PLXNA1: variants seen among roughly 807,000 people sequenced by gnomAD.
The protein encoded by PLXNA1 is plexin A1.
A neutral mutation model predicts 191.7 loss-of-function variants in PLXNA1; 77 were observed. That is an observed-to-expected ratio of 0.40 (90% CI 0.33 to 0.49). The LOEUF (loss-of-function observed/expected upper bound fraction) is 0.49. Ranked by LOEUF, PLXNA1 falls within the 20% of genes least tolerant of loss-of-function variation. PLXNA1 has a pLI of 0.63. For synonymous variants in PLXNA1, 1,137 were observed against 1,156.4 expected, an observed-to-expected ratio of 0.98 and a Z score of 0.34; for missense variants, 2,110 against 2,660.2, an observed-to-expected ratio of 0.79 and a Z score of 4.55.
intron 9 of PLXNA1, among the ~76,000 whole-genome samples, chr3:127,011,090 G>T (rs1386268601): frequency 6.6e-6 from 1 of 152,244 alleles, no homozygotes; most frequent in African/African-American, 2.4e-5. Context: ...CAGACTGCCA[G>T]GGAGGTACAG....
rs907957777 is a variant in PLXNA1 at position 127,022,337 on chromosome 3, C to T, written c.4291C>T (p.Arg1431Cys). ...CAAGAACCACCCCAAGCTGCTACTG[C>T]GCCGGTGAGCCTGGGGGGCACTGGG... ...ESKNHPKLLL[R>C]RTESVAEKML... The change falls in exon 22 of 32, where the codon CGC becomes TGC. Residue 1431 changes from arginine to cysteine, a missense_variant. Physicochemically the swap from Arg to Cys is radical, Grantham distance 180. Transcript: ENST00000393409. 4.4e-6 allele frequency: 7 copies of T among 1,608,828 alleles called. No individual in the cohort carries two copies. The highest frequency in any genetic ancestry group is 4.3e-6 in the Non-Finnish European group (5 of 1,176,410).
intron 25 of PLXNA1, chr3:127,028,658 G>A: frequency 1.9e-6 from 1 of 526,006 alleles, no homozygotes; most frequent in Non-Finnish European, 3.4e-6. Context: ...GGATGGGACG[G>A]GTTTGGGGTG....
intron 4 of PLXNA1, among the ~76,000 whole-genome samples, chr3:127,003,940 G>A (rs2079053231): frequency 6.6e-6 from 1 of 152,220 alleles, no homozygotes; most frequent in Admixed American, 6.5e-5. Context: ...GCTCTGTAAG[G>A]CCATGGAGTT....
At position 126,991,347 on chromosome 3, in the gene PLXNA1, G is replaced by GC. The variant is rs139211714; in HGVS notation, c.1195-34dup. 6.7e-3 allele frequency: 10,719 copies of GC among 1,606,456 alleles called. 557 individuals are homozygous for GC. The African/African-American group carries it at 0.12, about 17-fold the overall frequency. ...GAGGCCCAGTCCTCCGGGAGAAGGT[G>GC]CCCGGGGAGTGGCTCTCACCCTGCC... On this transcript the variant is annotated intron_variant, in intron 2 of 31. Transcript: ENST00000393409.
Position 127,032,617 on chromosome 3 carries a change from G to A in PLXNA1, c.5444+18G>A. 6.2e-7 allele frequency: 1 copy of A among 1,611,614 alleles called. No individual in the cohort carries two copies. Among genetic ancestry groups the A allele is most frequent in the Non-Finnish European group, 8.5e-7 (1 of 1,178,750 alleles). Reference sequence around the variant, plus strand: ...GTGGAGAGGTAGGTGGAGGGTGCAGGGGTCGGGGGCAGGGGCCCGGGGGCA... The same window carrying A: ...GTGGAGAGGTAGGTGGAGGGTGCAGAGGTCGGGGGCAGGGGCCCGGGGGCA... On this transcript the variant is annotated intron_variant, in intron 30 of 31. Coordinates refer to ENST00000393409, the MANE Select transcript of PLXNA1 (RefSeq NM_032242.4).
In PLXNA1 at chr3:127,033,934, C is replaced by G. The variant is rs2079225323; in HGVS notation, c.5608C>G (p.Leu1870Val). The G allele has an allele frequency of 6.2e-7, 1 of 1,602,390 alleles. No homozygotes were observed. Among genetic ancestry groups the G allele is most frequent in the Non-Finnish European group, 8.5e-7 (1 of 1,175,928 alleles). ...TKYKDEILAA[L>V]EKDEQARRQR... ...CCTGGCCCTGCAGATCCTGGCAGCC[C>G]TGGAGAAGGATGAGCAGGCGCGGCG... is the stretch of plus-strand genomic sequence containing the variant. Residue 1870 changes from leucine (L) to valine (V), a missense_variant, in exon 32 of 32, where the codon CTG (leucine) becomes GTG (valine). Leu to Val is a conservative substitution (Grantham distance 32, BLOSUM62 1). Around this residue, in one of 4 missense-constraint regions of PLXNA1, gnomAD observed 559 missense variants for 911.5 expected, o/e 0.61. Coordinates refer to ENST00000393409, the MANE Select transcript of PLXNA1 (RefSeq NM_032242.4).
Position 127,033,031 on chromosome 3 carries a change from G to A in PLXNA1, c.5595+195G>A, listed in dbSNP as rs140757185. Among the ~76,000 whole-genome samples the A allele has an allele frequency of 1.9e-3, 283 of 152,342 alleles. 1 individual carries two copies. The highest frequency in any genetic ancestry group is 6.5e-3 in the African/African-American group (270 of 41,578). ...CCTGCCAGGCCGAGCAGAGAAGGCC[G>A]TGGTGGAGTCACTGTGTGCAGCCAT... On this transcript the variant is annotated intron_variant, in intron 31 of 31. Transcript: ENST00000393409.
chr3:127,036,713 C>T lies in PLXNA1; in HGVS notation c.*2696C>T, dbSNP rs41266477. 0.097 allele frequency: 14,709 copies of T among 152,296 alleles called. 789 individuals are homozygous for T. The highest frequency in any genetic ancestry group is 0.21 in the Middle Eastern group (62 of 294). The allele number at this position is 152,296 out of a possible 1,614,324, so 9.4% of individuals were successfully genotyped here. ...CCGTTCTGTGCCCAGCAGCGGTGAG[C>T]GGCTCCCATGGGCCCTGTGTCTGCA... On this transcript the variant is annotated 3_prime_UTR_variant, in exon 32 of 32. Coordinates refer to ENST00000393409, the MANE Select transcript of PLXNA1 (RefSeq NM_032242.4).
chr3:127,018,754 A>T (rs1462018385), intron 20 of PLXNA1, among the ~76,000 whole-genome samples: 3 of 152,224 alleles, frequency 2.0e-5, no homozygotes, highest in Non-Finnish European at 2.9e-5. Flanking sequence ...CTTGCGACAC[A>T]GAACCCAAAG....
intron 23 of PLXNA1, 42 bp from the exon 24 acceptor site, chr3:127,027,898 C>G: frequency 1.1e-5 from 18 of 1,610,424 alleles, no homozygotes; most frequent in Non-Finnish European, 1.4e-5. Context: ...TGGGGGTAGG[C>G]CCGGGGGTCC....
intron 20 of PLXNA1, among the ~76,000 whole-genome samples, chr3:127,019,975 T>C (rs1380870845): frequency 1.3e-5 from 2 of 152,238 alleles, no homozygotes; most frequent in Non-Finnish European, 2.9e-5. Flanking sequence ...TGATGCTTTC[T>C]CTGCCCTTGT....
At chr3:127,018,063 GC>G (rs1448962010) in intron 19 of PLXNA1, among the ~76,000 whole-genome samples, 171 bp downstream of exon 19, 2 of 152,014 alleles carry the variant, frequency 1.3e-5, no homozygotes, top group Admixed American at 6.6e-5. Flanking sequence ...ACCTCCTTGA[GC>G]CCCCCGAGAC....
In PLXNA1 at chr3:127,030,292, C is replaced by T. The variant is rs755258581; in HGVS notation, c.5111C>T (p.Thr1704Met). The change falls in exon 29 of 32, where the codon ACG (threonine) becomes ATG (methionine). Residue 1704 changes from threonine to methionine, a missense_variant. By Grantham distance (81) the Thr-to-Met change is moderately conservative. This residue lies in a region of PLXNA1 where 559 missense variants were observed against 911.5 expected (regional missense o/e 0.61). Coordinates refer to ENST00000393409, the MANE Select transcript of PLXNA1 (RefSeq NM_032242.4). ...GACCTGTTTGAGACCATCTTCAGCA[C>T]GGCACACCGGGGCTCAGCCCTGCCG... is the stretch of plus-strand genomic sequence containing the variant. ...VDDLFETIFS[T>M]AHRGSALPLA... The T allele has an allele frequency of 9.3e-6, 15 of 1,613,908 alleles. No homozygotes were observed. The highest frequency in any genetic ancestry group is 2.2e-5 in the South Asian group (2 of 91,082).
intron 2 of PLXNA1, among the ~76,000 whole-genome samples, chr3:126,991,020 T>C (rs6780073): frequency 0.99 from 150,726 of 152,240 alleles, 74,627 homozygotes; most frequent in South Asian, 1. Flanking sequence ...GCCTGGCCCC[T>C]GCCAATGAAC....
Position 127,014,244 on chromosome 3 carries a change from C to G in PLXNA1, c.2473C>G (p.Arg825Gly). The G allele has an allele frequency of 6.2e-7, 1 of 1,603,276 alleles. No homozygotes were observed. Among genetic ancestry groups the G allele is most frequent in the Admixed American group, 1.7e-5 (1 of 58,924 alleles). ...CGGCCTCTGCCTCAAGGCCGACCCG[C>G]GCTTCGAGTGCGGATGGTGCGTGGC... ...SCGLCLKADP[R>G]FECGWCVAER... is the part of the protein sequence containing the mutation. Residue 825 changes from arginine to glycine, a missense_variant, in exon 12 of 32, where the codon CGC (arginine) becomes GGC (glycine). Coordinates refer to ENST00000393409, the MANE Select transcript of PLXNA1 (RefSeq NM_032242.4).
intron 3 of PLXNA1, among the ~76,000 whole-genome samples, chr3:126,992,102 G>T (rs1361792534): frequency 6.6e-6 from 1 of 152,164 alleles, no homozygotes; most frequent in African/African-American, 2.4e-5. Flanking sequence ...ACAGCCCTGG[G>T]CTGGCCCCAC....
intron 20 of PLXNA1, among the ~76,000 whole-genome samples, chr3:127,019,120 G>A (rs548730572): frequency 2.6e-4 from 39 of 152,322 alleles, no homozygotes; most frequent in African/African-American, 3.8e-4. Context: ...GACTTTGAGC[G>A]TTTGCAGATA....
chr3:126,987,673 C>T (rs2078965915), intron 1 of PLXNA1, among the ~76,000 whole-genome samples: 1 of 152,002 alleles, frequency 6.6e-6, no homozygotes, highest in African/African-American at 2.4e-5. Flanking sequence ...TTCCTCTTTC[C>T]TTGGAGTTGG....
chr3:127,032,670 G>C lies in PLXNA1; in HGVS notation c.5445-16G>C. ...CTGGACTCTGCTCATGTGCCCACCT[G>C]GCCACTCACCTGCAGGTACTATGCA... On this transcript the variant is annotated splice_polypyrimidine_tract_variant and intron_variant, in intron 30 of 31. Coordinates refer to ENST00000393409, the MANE Select transcript of PLXNA1 (RefSeq NM_032242.4). 2 of 1,612,298 alleles carry C rather than the reference G, an allele frequency of 1.2e-6. No homozygotes were observed. Among genetic ancestry groups the C allele is most frequent in the Non-Finnish European group, 1.7e-6 (2 of 1,179,412 alleles).
Sources: allele counts gnomAD v4.1 joint callset (sites outside exome capture counted in the v4.1 genomes callset), GRCh38; gene constraint gnomAD v4.1.1; regional missense constraint gnomAD v4.1.1; transcripts MANE v1.5; gene names NCBI Gene and HGNC (gene_info 2026-07-23, HGNC 2026-07-21).